The following DENND1B variants were observed in gnomAD, a reference collection of about 807,000 sequenced individuals.
DENND1B encodes the protein DENN domain-containing protein 1B.
In DENND1B, 59 loss-of-function variants were observed where a neutral mutation model predicts 90.1. The ratio of observed to expected loss-of-function variants is 0.65; its 90% confidence interval spans 0.53 to 0.81. DENND1B has a LOEUF of 0.81. Among genes scored for constraint, DENND1B ranks in the 40% least tolerant of loss-of-function variants. The probability of loss-of-function intolerance (pLI) is 0.00; values close to 1 mark genes in which losing one functional copy is unlikely to be tolerated. For missense variants in DENND1B, 862 were observed against 912.6 expected, an observed-to-expected ratio of 0.94 and a Z score of 0.71; for synonymous variants, 337 against 324.6, an observed-to-expected ratio of 1.04 and a Z score of -0.41.
intron 7 of DENND1B, 49 bp downstream of exon 7, chr1:197,652,186 T>C (rs754113975): frequency 9.2e-6 from 14 of 1,518,854 alleles, no homozygotes; most frequent in Middle Eastern, 1.7e-4. Context: ...CTTAACGAAA[T>C]TGAGACATAG....
chr1:197,636,043 T>C (rs1326952525), intron 10 of DENND1B, among the ~76,000 whole-genome samples: 2 of 151,668 alleles, frequency 1.3e-5, no homozygotes, highest in Non-Finnish European at 2.9e-5. Flanking sequence ...GTGTGGACTA[T>C]AAGTAATCGA....
At chr1:197,551,421 A>G (rs534769428) in intron 16 of DENND1B, among the ~76,000 whole-genome samples, 2 of 152,286 alleles carry the variant, frequency 1.3e-5, no homozygotes, top group South Asian at 4.1e-4. Flanking sequence ...ATAAAGAACA[A>G]CAAAGTAGTG....
Position 197,772,894 on chromosome 1 carries a change from A to C in DENND1B, c.56T>G (p.Val19Gly). Residue 19 changes from valine to glycine, a missense_variant, in exon 2 of 23, where the codon GTG becomes GGG. Transcript: ENST00000620048. ...TTCATTTTCAGAGGCATGACATTTC[A>C]CTTTCAACACCAAGTCAAAGGTTCT... The part of the protein sequence containing the change: ...PDRTFDLVLK[V>G]KCHASENEDP... 6.4e-7 allele frequency: 1 copy of C among 1,552,054 alleles called. No homozygotes were observed. The highest frequency in any genetic ancestry group is 8.7e-7 in the Non-Finnish European group (1 of 1,147,032).
Position 197,612,963 on chromosome 1 carries a change from T to C in DENND1B, c.774-987A>G, listed in dbSNP as rs969349448. 7.3e-5 allele frequency among the ~76,000 whole-genome samples: 11 copies of C among 150,858 alleles called. No homozygotes were observed. In the South Asian group the frequency reaches 1.4e-3, roughly 20 times the overall value. The stretch of plus-strand genomic sequence containing the variant: ...AGAAAAACATGAGAATTGACAGATA[T>C]CTACGAAGTCAATAGCAGATATATG... On this transcript the variant is annotated intron_variant, in intron 11 of 22. Transcript: ENST00000620048.
chr1:197,717,500 A>G (rs1486647063), intron 2 of DENND1B, among the ~76,000 whole-genome samples: 3 of 151,964 alleles, frequency 2.0e-5, no homozygotes, highest in African/African-American at 7.2e-5. Flanking sequence ...GAAACCAAAT[A>G]AATATAAAAG....
intron 2 of DENND1B, among the ~76,000 whole-genome samples, chr1:197,772,547 G>A (rs1313266208): frequency 6.6e-6 from 1 of 152,186 alleles, no homozygotes; most frequent in East Asian, 1.9e-4. Context: ...AACAGGCCAG[G>A]CACAGTGGCT....
chr1:197,544,028 T>G (rs1366491051), intron 18 of DENND1B, among the ~76,000 whole-genome samples: 1 of 152,194 alleles, frequency 6.6e-6, no homozygotes, highest in Non-Finnish European at 1.5e-5. Flanking sequence ...TATTGAATTT[T>G]AAAAAATTTA....
chr1:197,562,288 T>C (rs1672236868), intron 15 of DENND1B, among the ~76,000 whole-genome samples: 1 of 151,950 alleles, frequency 6.6e-6, no homozygotes, highest in African/African-American at 2.4e-5. Context: ...TTAATTGAAC[T>C]TCACTTTACT....
chr1:197,775,237 G>T lies in DENND1B; in HGVS notation c.-82C>A. 1 of 1,111,570 alleles carries T rather than the reference G, an allele frequency of 9.0e-7. No homozygotes were observed. Among genetic ancestry groups the T allele is most frequent in the Non-Finnish European group, 1.1e-6 (1 of 872,380 alleles). The allele number at this position is 1,111,570 out of a possible 1,614,324, so 68.9% of individuals were successfully genotyped here. ...CGCAGCCCGGCCGCGCGAGGGTCGC[G>T]CCGTCCCCGCCCACGCCGGCGGCCA... On this transcript the variant is annotated 5_prime_UTR_variant, in exon 1 of 23. Transcript: ENST00000620048.
chr1:197,735,927 C>T lies in DENND1B; in HGVS notation c.83-20853G>A, dbSNP rs529528705. 17 of 1,502,818 alleles carry T rather than the reference C, an allele frequency of 1.1e-5. No homozygotes were observed. The African/African-American group carries it at 2.4e-4, about 21-fold the overall frequency. The allele number at this position is 1,502,818 out of a possible 1,614,324, so 93.1% of individuals were successfully genotyped here. On this transcript the variant is annotated intron_variant, in intron 2 of 22. Transcript: ENST00000620048. ...TATAATGGCCAAGAGGAATCAGAAA[C>T]CTGAAGTTAGAAAGGCTCAACGAGA...
intron 2 of DENND1B, among the ~76,000 whole-genome samples, chr1:197,731,296 A>G (rs957405634): frequency 2.0e-5 from 3 of 152,172 alleles, no homozygotes; most frequent in African/African-American, 4.8e-5. Context: ...ACAAACTGAA[A>G]GAAAAAGAAT....
chr1:197,572,416 G>C (rs540243053), intron 15 of DENND1B, among the ~76,000 whole-genome samples: 6 of 152,186 alleles, frequency 3.9e-5, no homozygotes, highest in Non-Finnish European at 7.3e-5. Flanking sequence ...GGGCCGGGAA[G>C]CTCGAACTGG....
intron 10 of DENND1B, among the ~76,000 whole-genome samples, chr1:197,634,901 A>C (rs1446010032): frequency 6.6e-6 from 1 of 152,158 alleles, no homozygotes; most frequent in Non-Finnish European, 1.5e-5. Context: ...TGAGGTGTGG[A>C]AAGATGCCTG....
At chr1:197,603,520 T>A (rs901398404) in intron 13 of DENND1B, among the ~76,000 whole-genome samples, 1 of 151,214 alleles carries the variant, frequency 6.6e-6, no homozygotes, top group African/African-American at 2.4e-5. Flanking sequence ...TAGAGACCGT[T>A]AAGCAATACA....
chr1:197,686,633 A>G (rs1017271866), intron 3 of DENND1B, among the ~76,000 whole-genome samples: 1 of 152,162 alleles, frequency 6.6e-6, no homozygotes, highest in South Asian at 2.1e-4. Flanking sequence ...GGATTCAAAG[A>G]TGAAAGTACT....
At chr1:197,677,917 A>C (rs1656260206) in intron 3 of DENND1B, among the ~76,000 whole-genome samples, 1 of 152,166 alleles carries the variant, frequency 6.6e-6, no homozygotes, top group African/African-American at 2.4e-5. Flanking sequence ...ATCTCTACTC[A>C]TGATCACAAA....
intron 14 of DENND1B, among the ~76,000 whole-genome samples, chr1:197,591,803 G>A (rs928460574): frequency 6.6e-6 from 1 of 151,940 alleles, no homozygotes; most frequent in Non-Finnish European, 1.5e-5. Flanking sequence ...GCACGTTCAG[G>A]AAACATATCT....
At chr1:197,540,404 T>G (rs2125654931) in intron 19 of DENND1B, among the ~76,000 whole-genome samples, 1 of 152,142 alleles carries the variant, frequency 6.6e-6, no homozygotes, top group African/African-American at 2.4e-5. Context: ...GTAGTATGTT[T>G]TCTCCAAAGG....
rs914211276 is a variant in DENND1B, at chr1:197,561,870, C to A, written c.1150-8758G>T. ...ATTGGCTTTATTTATAAAATAAACC[C>A]ATATTCTGACCAAATCTCATCATAT... On this transcript the variant is annotated intron_variant, in intron 15 of 22. Transcript: ENST00000620048. 1.7e-4 allele frequency among the ~76,000 whole-genome samples: 26 copies of A among 151,878 alleles called. 1 individual carries two copies. Among genetic ancestry groups the A allele is most frequent in the African/African-American group, 6.3e-4 (26 of 41,498 alleles).
Sources: allele counts gnomAD v4.1 joint callset (sites outside exome capture counted in the v4.1 genomes callset), GRCh38; gene constraint gnomAD v4.1.1; transcripts MANE v1.5; gene names NCBI Gene and HGNC (gene_info 2026-07-23, HGNC 2026-07-21).